The following TMEM38B variants were observed in gnomAD, a reference collection of about 807,000 sequenced individuals.
TMEM38B encodes the protein trimeric intracellular cation channel type B.
Under a neutral mutation model 28.7 loss-of-function variants are expected in TMEM38B, and 24 were observed. The observed-to-expected ratio is 0.84, with a 90% confidence interval of 0.61 to 1.18. TMEM38B has a LOEUF of 1.18. Ranked by LOEUF, TMEM38B falls within the 50% of genes most tolerant of loss-of-function variation. TMEM38B has a pLI of 0.00. For missense variants in TMEM38B, 380 were observed against 350.9 expected (o/e 1.08, Z -0.66); for synonymous variants, 131 against 127.7 (o/e 1.03, Z -0.17).
At chr9:105,756,038 C>T (rs1335891787) in intron 5 of TMEM38B, among the ~76,000 whole-genome samples, 1 of 152,128 alleles carries the variant, frequency 6.6e-6, no homozygotes, top group Non-Finnish European at 1.5e-5. Flanking sequence ...CAAGACCAGT[C>T]TGGCCAACAT....
At chr9:105,709,920 G>T (rs1835836560) in intron 2 of TMEM38B, among the ~76,000 whole-genome samples, 1 of 152,164 alleles carries the variant, frequency 6.6e-6, no homozygotes, top group African/African-American at 2.4e-5. Context: ...AGAGACTACG[G>T]CTGTCTTCCT....
At chr9:105,697,668 A>G (rs1835334705) in intron 1 of TMEM38B, among the ~76,000 whole-genome samples, 1 of 151,950 alleles carries the variant, frequency 6.6e-6, no homozygotes, top group Non-Finnish European at 1.5e-5. Flanking sequence ...TTATGTCTGT[A>G]GTCCTTTTTT....
At chr9:105,760,241 T>G in intron 5 of TMEM38B, 2 of 829,824 alleles carry the variant, frequency 2.4e-6, no homozygotes, top group Non-Finnish European at 4.3e-6. Context: ...GCAATGGGCA[T>G]GAAATCACCG....
chr9:105,740,924 A>C (rs1190543570), intron 4 of TMEM38B, among the ~76,000 whole-genome samples: 1 of 152,238 alleles, frequency 6.6e-6, no homozygotes, highest in Non-Finnish European at 1.5e-5. Flanking sequence ...AATGGTTTCT[A>C]AAGTTCTAAT....
Position 105,760,369 on chromosome 9 carries a change from G to A in TMEM38B, c.660+12179G>A, listed in dbSNP as rs1837995758. 2.5e-5 allele frequency: 19 copies of A among 763,020 alleles called. No individual in the cohort carries two copies. In the South Asian group the frequency reaches 2.6e-4, roughly 11 times the overall value. 47.3% of individuals were successfully genotyped at this position (763,020 alleles called of 1,614,324 possible). A position where few individuals can be genotyped will look rare whatever the true frequency, so the allele number is the denominator to read the frequency against. On this transcript the variant is annotated intron_variant, in intron 5 of 5. Transcript: ENST00000374692. ...GGATCATCATCAGGAAATTCTTCAA[G>A]TACCAACTTATTTACAGACTGCAGT...
At chr9:105,734,200 G>A (rs1836882339) in intron 4 of TMEM38B, among the ~76,000 whole-genome samples, 2 of 151,734 alleles carry the variant, frequency 1.3e-5, no homozygotes, top group South Asian at 2.1e-4. Context: ...TCTTTGACCC[G>A]TTGGTTGCCC....
rs746478304 is a variant in TMEM38B, at chr9:105,774,114, T to G, written c.*34T>G. The G allele has an allele frequency of 6.3e-7, 1 of 1,586,994 alleles. No homozygotes were observed. The highest frequency in any genetic ancestry group is 1.1e-5 in the South Asian group (1 of 88,740). On this transcript the variant is annotated 3_prime_UTR_variant, in exon 6 of 6. Coordinates refer to ENST00000374692, the MANE Select transcript of TMEM38B (RefSeq NM_018112.3). ...GATGAGCTCTACAAGGCCAAAAATTTTTTTTCTTATCTACCTGTTATATTG... is the reference window on the plus strand; with the variant it reads ...GATGAGCTCTACAAGGCCAAAAATTGTTTTTCTTATCTACCTGTTATATTG...
rs28770316 is a variant in TMEM38B at position 105,728,894 on chromosome 9, T to C, written c.542+6273T>C. On this transcript the variant is annotated intron_variant, in intron 4 of 5. Coordinates refer to ENST00000374692, the MANE Select transcript of TMEM38B (RefSeq NM_018112.3). ...AATGTCTTCTTTTGAGAAGGGTCTG[T>C]TCATATCCTTTGCCCACTTTTTGAT... 9.0e-3 allele frequency among the ~76,000 whole-genome samples: 1,371 copies of C among 152,084 alleles called. 32 individuals are homozygous for C. Among genetic ancestry groups the C allele is most frequent in the African/African-American group, 0.031 (1,275 of 41,390 alleles).
At chr9:105,750,753 C>G (rs1180753164) in intron 5 of TMEM38B, among the ~76,000 whole-genome samples, 1 of 152,158 alleles carries the variant, frequency 6.6e-6, no homozygotes, top group Non-Finnish European at 1.5e-5. Flanking sequence ...TCTATATTTT[C>G]TTCAAGAGTT....
intron 4 of TMEM38B, among the ~76,000 whole-genome samples, chr9:105,727,003 T>C (rs1234117767): frequency 6.6e-6 from 1 of 152,160 alleles, no homozygotes; most frequent in Admixed American, 6.6e-5. Context: ...TTTCATAGAC[T>C]ACTGAGAACA....
intron 5 of TMEM38B, among the ~76,000 whole-genome samples, chr9:105,772,534 T>A (rs1042526026): frequency 6.6e-6 from 1 of 152,184 alleles, no homozygotes; most frequent in Admixed American, 6.6e-5. Flanking sequence ...CTATTTCAGT[T>A]GTTTCCCAGT....
chr9:105,714,805 G>A (rs1468070364), intron 2 of TMEM38B, among the ~76,000 whole-genome samples: 1 of 152,126 alleles, frequency 6.6e-6, no homozygotes, highest in Non-Finnish European at 1.5e-5. Context: ...TCTCTAAGAC[G>A]TTCTGGTTTC....
At chr9:105,765,204 G>T (rs1392485341) in intron 5 of TMEM38B, among the ~76,000 whole-genome samples, 1 of 152,146 alleles carries the variant, frequency 6.6e-6, no homozygotes, top group East Asian at 1.9e-4. Flanking sequence ...TTTGCAAATT[G>T]AGATTAAAAT....
chr9:105,730,945 T>G (rs1427933058), intron 4 of TMEM38B, among the ~76,000 whole-genome samples: 2 of 152,096 alleles, frequency 1.3e-5, no homozygotes, highest in Non-Finnish European at 2.9e-5. Flanking sequence ...GTCTATTTGA[T>G]TCTTCTCTCT....
At position 105,776,049 on chromosome 9, in the gene TMEM38B, G is replaced by C. The variant is rs1216963747; in HGVS notation, c.*1969G>C. The C allele has an allele frequency of 6.6e-6, 1 of 152,100 alleles. No individual in the cohort carries two copies. Among genetic ancestry groups the C allele is most frequent in the Non-Finnish European group, 1.5e-5 (1 of 68,038 alleles). 9.4% of individuals were successfully genotyped at this position (152,100 alleles called of 1,614,324 possible). A position where few individuals can be genotyped will look rare whatever the true frequency, so the allele number is the denominator to read the frequency against. Reference sequence around the variant, plus strand: ...TGAAACCCATCCTGAATCTATTCAGGTCACCTGTAGAGTCTTGACTTGGAT... The same window carrying C: ...TGAAACCCATCCTGAATCTATTCAGCTCACCTGTAGAGTCTTGACTTGGAT... On this transcript the variant is annotated 3_prime_UTR_variant, in exon 6 of 6. Coordinates refer to ENST00000374692, the MANE Select transcript of TMEM38B (RefSeq NM_018112.3).
chr9:105,764,904 A>G (rs1032149981), intron 5 of TMEM38B, among the ~76,000 whole-genome samples: 4 of 152,138 alleles, frequency 2.6e-5, no homozygotes, highest in African/African-American at 9.7e-5. Flanking sequence ...ATGGAACAGA[A>G]CAGACCCCTC....
intron 5 of TMEM38B, among the ~76,000 whole-genome samples, chr9:105,770,857 T>C (rs1266458578): frequency 2.6e-5 from 4 of 152,212 alleles, no homozygotes; most frequent in Admixed American, 1.3e-4. Context: ...ATTTTTCTTT[T>C]ATAGATATAT....
chr9:105,735,057 A>G (rs879328641), intron 4 of TMEM38B, among the ~76,000 whole-genome samples: 2 of 151,730 alleles, frequency 1.3e-5, no homozygotes, highest in Admixed American at 6.6e-5. Context: ...TCTAATTTGC[A>G]TATTTACTGT....
chr9:105,719,921 T>A (rs950689805), intron 2 of TMEM38B, among the ~76,000 whole-genome samples: 2 of 152,032 alleles, frequency 1.3e-5, no homozygotes, highest in African/African-American at 4.8e-5. Flanking sequence ...AAAAATACAT[T>A]TAAAAATTAA....
Sources: gnomAD v4.1 joint callset for allele counts (sites outside exome capture counted in the v4.1 genomes callset) on GRCh38, gnomAD v4.1.1 for gene constraint, MANE v1.5 for transcripts, NCBI Gene and HGNC (gene_info 2026-07-23, HGNC 2026-07-21) for gene names.